CELF1: variants seen among roughly 807,000 people sequenced by gnomAD.
CELF1 encodes the protein CUGBP Elav-like family member 1, also known as 50 kDa nuclear polyadenylated RNA-binding protein.
Under a neutral mutation model 61.8 loss-of-function variants are expected in CELF1, and 10 were observed. That is an observed-to-expected ratio of 0.16 (90% confidence interval 0.10 to 0.27). The LOEUF is 0.27. Among genes scored for constraint, CELF1 ranks in the 10% least tolerant of loss-of-function variants. CELF1 has a pLI of 1.00. For synonymous variants in CELF1, 236 were observed against 225.1 expected (o/e 1.05, Z -0.43); for missense variants, 380 against 639.1 (o/e 0.59, Z 4.37).
chr11:47,481,077 TG>T (rs1465011474), intron 9 of CELF1, among the ~76,000 whole-genome samples: 11 of 133,388 alleles, frequency 8.2e-5, no homozygotes, highest in East Asian at 2.3e-4. Flanking sequence ...TAGGATAAAC[TG>T]GGGTTTTTTT....
intron 1 of CELF1, among the ~76,000 whole-genome samples, chr11:47,520,824 G>GA (rs2095849457): frequency 1.3e-5 from 2 of 151,378 alleles, no homozygotes; most frequent in African/African-American, 4.9e-5. Context: ...GCTCCCCCCC[G>GA]ACCCAAAAAA....
intron 12 of CELF1, among the ~76,000 whole-genome samples, chr11:47,475,944 A>G (rs2079876902): frequency 6.6e-6 from 1 of 151,846 alleles, no homozygotes; most frequent in African/African-American, 2.4e-5. Flanking sequence ...AGTACATTCT[A>G]TGTGTCATCT....
intron 9 of CELF1, among the ~76,000 whole-genome samples, chr11:47,479,350 C>T (rs192611938): frequency 6.6e-6 from 1 of 152,320 alleles, no homozygotes; most frequent in East Asian, 1.9e-4. Context: ...TAGTTAGGTC[C>T]ACACATCTCA....
intron 1 of CELF1, among the ~76,000 whole-genome samples, chr11:47,548,920 A>T (rs2097059501): frequency 6.6e-6 from 1 of 151,952 alleles, no homozygotes; most frequent in Admixed American, 6.6e-5. Flanking sequence ...TAATTCAACA[A>T]TACAAAATCA....
rs1483796672 is a variant in CELF1, at chr11:47,522,050, A to C, written c.-153-21118T>G. Among the ~76,000 whole-genome samples the C allele has an allele frequency of 2.4e-4, 36 of 151,978 alleles. 1 individual carries two copies. ...CTCAGCCTCCCGAGTAGCTGGGATTACTGGCATGTGCCACCAAGCCTGGCT... is the reference window on the plus strand; with the variant it reads ...CTCAGCCTCCCGAGTAGCTGGGATTCCTGGCATGTGCCACCAAGCCTGGCT... On this transcript the variant is annotated intron_variant, in intron 1 of 14. Transcript: ENST00000687097.
chr11:47,488,791 A>C, intron 4 of CELF1, 46 bp downstream of exon 4: 1 of 1,371,150 alleles, frequency 7.3e-7, no homozygotes, highest in Non-Finnish European at 9.5e-7. Flanking sequence ...ACCTGCTCTG[A>C]GAGTCAGTGG....
intron 1 of CELF1, among the ~76,000 whole-genome samples, chr11:47,516,391 A>G (rs978074156): frequency 3.9e-5 from 6 of 152,286 alleles, no homozygotes; most frequent in Non-Finnish European, 5.9e-5. Context: ...GAAGGCGAGC[A>G]GCTGCTTCCA....
upstream of CELF1, among the ~76,000 whole-genome samples, chr11:47,555,850 G>A (rs115770907): frequency 6.9e-3 from 1,044 of 151,980 alleles, 14 homozygotes; most frequent in African/African-American, 0.023. Flanking sequence ...AAATACAAAC[G>A]TTAGCCAGGC....
At position 47,511,013 on chromosome 11, in the gene CELF1, T is replaced by C. The variant is rs1161464593; in HGVS notation, c.-153-10081A>G. Among the ~76,000 whole-genome samples, 3 of 151,672 alleles carry C rather than the reference T, an allele frequency of 2.0e-5. No homozygotes were observed. The East Asian group carries it at 5.8e-4, about 29-fold the overall frequency. On this transcript the variant is annotated intron_variant, in intron 1 of 14. Coordinates refer to ENST00000687097, the MANE Select transcript of CELF1 (RefSeq NM_001376376.1). ...CCTGGGCAACATCATGAAACCCTGT[T>C]GCTACCCAAAAAGAAAAAAAAAAAT...
At chr11:47,508,582 A>C (rs867211071) in intron 1 of CELF1, among the ~76,000 whole-genome samples, 80 of 151,622 alleles carry the variant, frequency 5.3e-4, no homozygotes, top group African/African-American at 1.3e-3. Context: ...AAAAAAAAAA[A>C]AAAACCCAAA....
At chr11:47,547,091 A>AAAAAAAAAAAAAAAAG (rs1390852543) in intron 1 of CELF1, among the ~76,000 whole-genome samples, 4 of 138,678 alleles carry the variant, frequency 2.9e-5, no homozygotes, top group Non-Finnish European at 6.5e-5. Context: ...AAAAAAAAAA[A>AAAAAAAAAAAAAAAAG]AAGAAAGAAA....
At position 47,467,917 on chromosome 11, in the gene CELF1, C is replaced by T. The variant is rs1248544649; in HGVS notation, c.*4313G>A. Reference sequence around the variant, plus strand: ...CAATTTAAAACAGCTTCTTTGAAACCCTTTTAAATCGATCAGTTTTTGCAC... The same window carrying T: ...CAATTTAAAACAGCTTCTTTGAAACTCTTTTAAATCGATCAGTTTTTGCAC... On this transcript the variant is annotated 3_prime_UTR_variant, in exon 15 of 15. Transcript: ENST00000687097. 1 of 151,972 alleles carries T rather than the reference C, an allele frequency of 6.6e-6. No homozygotes were observed. The highest frequency in any genetic ancestry group is 6.6e-5 in the Admixed American group (1 of 15,256). The allele number at this position is 151,972 out of a possible 1,614,324, so 9.4% of individuals were successfully genotyped here. A position where few individuals can be genotyped will look rare whatever the true frequency, so the allele number is the denominator to read the frequency against.
intron 2 of CELF1, among the ~76,000 whole-genome samples, chr11:47,559,623 C>T (rs1420163133): frequency 1.3e-5 from 2 of 152,158 alleles, no homozygotes; most frequent in African/African-American, 4.8e-5. Context: ...AACCATGGCA[C>T]CCGGCCTATG....
At chr11:47,528,690 T>A (rs958779548) in intron 1 of CELF1, among the ~76,000 whole-genome samples, 1 of 152,032 alleles carries the variant, frequency 6.6e-6, no homozygotes, top group Non-Finnish European at 1.5e-5. Flanking sequence ...GAGACCTGCC[T>A]GAGCAATACA....
intron 1 of CELF1, among the ~76,000 whole-genome samples, chr11:47,527,883 G>A (rs1038482503): frequency 6.6e-6 from 1 of 152,172 alleles, no homozygotes; most frequent in African/African-American, 2.4e-5. Context: ...ATCACCTGAG[G>A]TGAGGAGTTC....
intron 1 of CELF1, among the ~76,000 whole-genome samples, chr11:47,510,063 A>G (rs999343743): frequency 6.6e-6 from 1 of 151,960 alleles, no homozygotes; most frequent in Admixed American, 6.6e-5. Context: ...TACTGTCTCA[A>G]AAAAGAAAAA....
At chr11:47,524,788 C>T (rs900951372) in intron 1 of CELF1, 1 of 152,194 alleles carries the variant, frequency 6.6e-6, no homozygotes, top group Non-Finnish European at 1.5e-5. Context: ...AACTGAACAG[C>T]TTTACCCATA....
chr11:47,502,988 T>C (rs754721396), intron 1 of CELF1, among the ~76,000 whole-genome samples: 7 of 152,208 alleles, frequency 4.6e-5, no homozygotes, highest in African/African-American at 7.2e-5. Context: ...ACTCTGAATG[T>C]ACTTTCATGG....
At chr11:47,540,510 G>C (rs968955240) in intron 1 of CELF1, among the ~76,000 whole-genome samples, 9 of 152,212 alleles carry the variant, frequency 5.9e-5, no homozygotes, top group Non-Finnish European at 1.3e-4. Context: ...AAACAGTTAT[G>C]CATTTTCAAG....
Sources: allele counts gnomAD v4.1 joint callset (sites outside exome capture counted in the v4.1 genomes callset), GRCh38; gene constraint gnomAD v4.1.1; transcripts MANE v1.5; gene names NCBI Gene and HGNC (gene_info 2026-07-23, HGNC 2026-07-21).